CENPO: variants seen among roughly 807,000 people sequenced by gnomAD.
CENPO encodes centromeric protein O.
A neutral mutation model predicts 36.1 loss-of-function variants in CENPO; 30 were observed. That is an observed-to-expected ratio of 0.83 (90% CI 0.62 to 1.13). The LOEUF (loss-of-function observed/expected upper bound fraction) is 1.13, where lower values mean the gene tolerates loss of function less well. Ranked by LOEUF, CENPO falls within the 50% of genes most tolerant of loss-of-function variation. The probability of loss-of-function intolerance (pLI) is 0.00; values close to 1 mark genes in which losing one functional copy is unlikely to be tolerated. For missense variants in CENPO, 349 were observed against 357.8 expected (o/e 0.98, Z 0.20); for synonymous variants, 171 against 142.3 (o/e 1.20, Z -1.44).
At chr2:24,817,220 C>T (rs939830569) in intron 6 of CENPO, among the ~76,000 whole-genome samples, 2 of 152,174 alleles carry the variant, frequency 1.3e-5, no homozygotes, top group African/African-American at 4.8e-5. Context: ...TTACTCCTCC[C>T]TACGGAGCAG....
chr2:24,810,657 G>A (rs1050484750), intron 3 of CENPO, among the ~76,000 whole-genome samples: 1 of 151,808 alleles, frequency 6.6e-6, no homozygotes, highest in East Asian at 1.9e-4. Context: ...AGAGGTGCTC[G>A]CCACCATGCT....
intron 3 of CENPO, among the ~76,000 whole-genome samples, chr2:24,812,970 G>A (rs770884235): frequency 1.3e-5 from 2 of 148,418 alleles, no homozygotes; most frequent in Non-Finnish European, 3.0e-5. Context: ...CGGAGGTCAG[G>A]TGCTGTGGCT....
rs1452698643 is a variant in CENPO at position 24,821,452 on chromosome 2, T to G, written c.*2134T>G. On this transcript the variant is annotated 3_prime_UTR_variant, in exon 8 of 8. Transcript: ENST00000380834. ...GTCCTGAGCCTCATGTCTCTCCTGG[T>G]GGTGGGCCAGGCCCCTGCATGGGAA... The G allele has an allele frequency of 5.7e-6, 9 of 1,590,628 alleles. No individual in the cohort carries two copies. The highest frequency in any genetic ancestry group is 7.7e-6 in the Non-Finnish European group (9 of 1,166,306).
At chr2:24,806,176 G>A (rs560634378) in intron 3 of CENPO, among the ~76,000 whole-genome samples, 14 of 152,194 alleles carry the variant, frequency 9.2e-5, no homozygotes, top group African/African-American at 2.4e-4. Flanking sequence ...TTGGAAAAGC[G>A]CAGTATTGGG....
chr2:24,814,400 G>T lies in CENPO; in HGVS notation c.241G>T (p.Glu81Ter). The change falls in exon 4 of 8, where the codon GAA becomes TAA. Residue 81 changes from glutamate (E) to a stop codon, truncating the protein, a stop_gained. Coordinates refer to ENST00000380834, the MANE Select transcript of CENPO (RefSeq NM_001322101.2). LOFTEE classifies it high-confidence loss of function. Reference sequence around the variant, plus strand: ...GGTGAAAGCATGTATTGCCAATGTAGAACCCAACCAAACAGTGGAGATCAA... The same window carrying T: ...GGTGAAAGCATGTATTGCCAATGTATAACCCAACCAAACAGTGGAGATCAA... Reference protein sequence around the residue: ...ASVKACIANVEPNQTVEINEQ... With the variant: ...ASVKACIANV The T allele has an allele frequency of 6.3e-7, 1 of 1,595,634 alleles. No homozygotes were observed. The highest frequency in any genetic ancestry group is 8.6e-7 in the Non-Finnish European group (1 of 1,163,144).
chr2:24,816,226 G>A (rs1321896404), intron 5 of CENPO: 1 of 186,460 alleles, frequency 5.4e-6, no homozygotes, highest in East Asian at 1.5e-4. Flanking sequence ...GAAAAAAGTA[G>A]ATAGGAAATT....
chr2:24,817,567 G>A (rs1259601732), intron 6 of CENPO, 103 bp from the exon 7 acceptor site: 9 of 1,462,308 alleles, frequency 6.2e-6, no homozygotes, highest in Non-Finnish European at 8.4e-6. Context: ...AGTGATCCAG[G>A]CTCCGATTCC....
rs1199678042 is a variant in CENPO, at chr2:24,820,181, C to T, written c.*863C>T. The T allele has an allele frequency of 1.8e-6, 2 of 1,122,472 alleles. No homozygotes were observed. The highest frequency in any genetic ancestry group is 2.7e-5 in the East Asian group (1 of 37,568). The allele number at this position is 1,122,472 out of a possible 1,614,324, so 69.5% of individuals were successfully genotyped here. ...AGCCTAGACTGAGGGCGGGTGGGGGCTTTGGGTGGTTGGAGCCGAGCACTG... is the reference window on the plus strand; with the variant it reads ...AGCCTAGACTGAGGGCGGGTGGGGGTTTTGGGTGGTTGGAGCCGAGCACTG... On this transcript the variant is annotated 3_prime_UTR_variant, in exon 8 of 8. Coordinates refer to ENST00000380834, the MANE Select transcript of CENPO (RefSeq NM_001322101.2).
At position 24,816,641 on chromosome 2, in the gene CENPO, C is replaced by T; in HGVS notation, c.595-5C>T. On this transcript the variant is annotated splice_polypyrimidine_tract_variant and splice_region_variant and intron_variant, in intron 5 of 7. Transcript: ENST00000380834. ...CTACTTCGTTTTGTTCCTCACCCCT[C>T]TTAGAGTGACTTTGCAGCCCTCCTG... 1 of 1,601,886 alleles carries T rather than the reference C, an allele frequency of 6.2e-7. No individual in the cohort carries two copies. The highest frequency in any genetic ancestry group is 8.5e-7 in the Non-Finnish European group (1 of 1,174,316).
At chr2:24,807,499 T>C (rs1049899954) in intron 3 of CENPO, among the ~76,000 whole-genome samples, 1 of 152,240 alleles carries the variant, frequency 6.6e-6, no homozygotes, top group African/African-American at 2.4e-5. Flanking sequence ...GCAATTCTAT[T>C]TTATGAGTAT....
chr2:24,800,969 CA>C lies in CENPO; in HGVS notation c.216+1126del, dbSNP rs544007878. Among the ~76,000 whole-genome samples, 231 of 152,216 alleles carry C rather than the reference CA, an allele frequency of 1.5e-3. 2 individuals carry two copies. Among genetic ancestry groups the C allele is most frequent in the African/African-American group, 5.5e-3 (229 of 41,518 alleles). On this transcript the variant is annotated intron_variant, in intron 3 of 7. Coordinates refer to ENST00000380834, the MANE Select transcript of CENPO (RefSeq NM_001322101.2). ...CAGTGTAAAAGTGTTCCTATTTCTC[CA>C]CAGCCTCTCCAGCACCTGTTGTTTC... is the stretch of plus-strand genomic sequence containing the variant.
intron 3 of CENPO, among the ~76,000 whole-genome samples, chr2:24,805,859 A>G (rs568571361): frequency 1.3e-5 from 2 of 152,320 alleles, no homozygotes; most frequent in South Asian, 4.1e-4. Flanking sequence ...ACTATCAGAC[A>G]GGGACATTTA....
At chr2:24,793,617 C>T in intron 1 of CENPO, 116 bp downstream of exon 1, 1 of 1,427,460 alleles carries the variant, frequency 7.0e-7, no homozygotes, top group South Asian at 1.5e-5. Flanking sequence ...GCCCGCTGGA[C>T]CAGAGTAGCC....
Position 24,796,786 on chromosome 2 carries a change from C to T in CENPO, c.46+2821C>T, listed in dbSNP as rs78244098. On this transcript the variant is annotated intron_variant, in intron 2 of 7. Coordinates refer to ENST00000380834, the MANE Select transcript of CENPO (RefSeq NM_001322101.2). Reference sequence around the variant, plus strand: ...AAATGCTGCTTGCATTGAGTGCTAACGAGCTAGAGTAGCTGCAGGTGAAGG... The same window carrying T: ...AAATGCTGCTTGCATTGAGTGCTAATGAGCTAGAGTAGCTGCAGGTGAAGG... 4.0e-3 allele frequency among the ~76,000 whole-genome samples: 612 copies of T among 152,116 alleles called. 5 individuals are homozygous for T. The highest frequency in any genetic ancestry group is 0.014 in the African/African-American group (564 of 41,484).
chr2:24,811,047 G>A (rs1243073383), intron 3 of CENPO, among the ~76,000 whole-genome samples: 3 of 150,642 alleles, frequency 2.0e-5, no homozygotes, highest in African/African-American at 4.9e-5. Flanking sequence ...GGCTTCAAGT[G>A]ATTCTCATGC....
chr2:24,819,863 C>A lies in CENPO; in HGVS notation c.*545C>A, dbSNP rs910165112. 4 of 1,513,558 alleles carry A rather than the reference C, an allele frequency of 2.6e-6. No individual in the cohort carries two copies. The highest frequency in any genetic ancestry group is 3.6e-6 in the Non-Finnish European group (4 of 1,111,076). The allele number at this position is 1,513,558 out of a possible 1,614,324, so 93.8% of individuals were successfully genotyped here. ...AGTGTGCACTTCAATCCAGGAAGGT[C>A]GGGACTTCCTTCAGTTTCAAAAAAT... On this transcript the variant is annotated 3_prime_UTR_variant, in exon 8 of 8. Transcript: ENST00000380834.
rs1474367042 is a variant in CENPO, at chr2:24,822,004, AC to A, written c.*2687del. On this transcript the variant is annotated 3_prime_UTR_variant, in exon 8 of 8. Transcript: ENST00000380834. ...ACTGGAGGGGGATGACCCGCCTTGG[AC>A]GTGTTTCTTTAACCTCATCCATATA... 5 of 238,432 alleles carry A rather than the reference AC, an allele frequency of 2.1e-5. No homozygotes were observed. The highest frequency in any genetic ancestry group is 1.1e-4 in the African/African-American group (5 of 44,216). The allele number at this position is 238,432 out of a possible 1,614,324, so 14.8% of individuals were successfully genotyped here.
rs1168541498 is a variant in CENPO, at chr2:24,801,705, T to A, written c.216+1861T>A. 2.6e-5 allele frequency among the ~76,000 whole-genome samples: 4 copies of A among 152,214 alleles called. No homozygotes were observed. The South Asian group carries it at 6.2e-4, about 24-fold the overall frequency. On this transcript the variant is annotated intron_variant, in intron 3 of 7. Transcript: ENST00000380834. The stretch of plus-strand genomic sequence containing the variant: ...GTCTATATCTCTGTTTTGGTACCAG[T>A]ACCATGCTGTTTTGGTTACTGTAGC...
chr2:24,815,795 C>T (rs757216982), intron 5 of CENPO, 39 bp downstream of exon 5: 1 of 1,596,312 alleles, frequency 6.3e-7, no homozygotes, highest in Non-Finnish European at 8.6e-7. Flanking sequence ...TCCGTGGGCC[C>T]AAGATCAACT....
Sources: gnomAD v4.1 joint callset for allele counts (sites outside exome capture counted in the v4.1 genomes callset) on GRCh38, gnomAD v4.1.1 for gene constraint, MANE v1.5 for transcripts, NCBI Gene and HGNC (gene_info 2026-07-23, HGNC 2026-07-21) for gene names.